Variants in TRAPPC3L observed in about 807,000 individuals in gnomAD.
TRAPPC3L encodes the protein trafficking protein particle complex subunit 3-like protein.
TRAPPC3L carries 23 observed loss-of-function variants against 23.7 expected under a neutral mutation model. The observed-to-expected ratio is 0.97, with a 90% CI of 0.70 to 1.37. TRAPPC3L has a LOEUF of 1.37. TRAPPC3L is among the 40% of genes most tolerant of loss of function. The probability of loss-of-function intolerance (pLI) is 0.00; values close to 1 mark genes in which losing one functional copy is unlikely to be tolerated. For synonymous variants in TRAPPC3L, 81 were observed against 77.9 expected (o/e 1.04, Z -0.21); for missense variants, 212 against 216.8 (o/e 0.98, Z 0.14).
intron 3 of TRAPPC3L, among the ~76,000 whole-genome samples, chr6:116,504,863 T>A (rs987428688): frequency 2.0e-5 from 3 of 152,214 alleles, no homozygotes; most frequent in Non-Finnish European, 4.4e-5. Context: ...TGATGGAATG[T>A]ATCTCAAAAT....
chr6:116,515,641 T>G (rs1191857770), intron 3 of TRAPPC3L: 2 of 1,613,724 alleles, frequency 1.2e-6, no homozygotes, highest in Non-Finnish European at 1.7e-6. Flanking sequence ...CTTTCTTCTC[T>G]CTGCTCACCA....
intron 3 of TRAPPC3L, among the ~76,000 whole-genome samples, chr6:116,502,455 G>A (rs1771932685): frequency 6.6e-6 from 1 of 152,192 alleles, no homozygotes; most frequent in African/African-American, 2.4e-5. Context: ...CACTCTTCAG[G>A]ATATTATCCA....
chr6:116,543,928 A>T (rs1017806033), intron 1 of TRAPPC3L: 1 of 1,327,770 alleles, frequency 7.5e-7, no homozygotes, highest in African/African-American at 1.5e-5. Flanking sequence ...ATTTCCTTAT[A>T]GTTCTCCAAA....
chr6:116,529,255 G>C (rs1005587799), intron 3 of TRAPPC3L: 1 of 152,182 alleles, frequency 6.6e-6, no homozygotes, highest in Non-Finnish European at 1.5e-5. Context: ...CCAATACCTG[G>C]GTTTCCTACT....
Position 116,545,091 on chromosome 6 carries a change from C to CTA in TRAPPC3L, c.42+380_42+381dup, listed in dbSNP as rs1320498201. On this transcript the variant is annotated intron_variant, in intron 1 of 4. Coordinates refer to ENST00000368602, the MANE Select transcript of TRAPPC3L (RefSeq NM_001139444.3). ...TCGATTCAGTTTTACACATAATCAA[C>CTA]TATATATATACACACATATATATAT... Among the ~76,000 whole-genome samples the CTA allele has an allele frequency of 4.0e-5, 6 of 150,788 alleles. No individual in the cohort carries two copies. The South Asian group carries it at 6.3e-4, about 16-fold the overall frequency.
chr6:116,512,922 A>G (rs1167333352), intron 3 of TRAPPC3L, among the ~76,000 whole-genome samples: 2 of 152,316 alleles, frequency 1.3e-5, no homozygotes, highest in African/African-American at 4.8e-5. Flanking sequence ...CAGAAGCTCA[A>G]GATTTGGGCA....
At chr6:116,518,687 T>C (rs1772273156) in intron 3 of TRAPPC3L, 1 of 152,226 alleles carries the variant, frequency 6.6e-6, no homozygotes, top group African/African-American at 2.4e-5. Context: ...ACAGAAGTTC[T>C]ACAGAAGTAG....
chr6:116,543,072 A>G (rs1773561318), intron 2 of TRAPPC3L, among the ~76,000 whole-genome samples: 1 of 152,186 alleles, frequency 6.6e-6, no homozygotes, highest in Admixed American at 6.6e-5. Flanking sequence ...ATTTCTAACT[A>G]AAGAGAAAAC....
At chr6:116,512,273 G>C (rs772560468) in intron 3 of TRAPPC3L, 2 of 1,558,186 alleles carry the variant, frequency 1.3e-6, no homozygotes, top group South Asian at 2.4e-5. Flanking sequence ...CTCTCAGCAT[G>C]AGCTCGAAGT....
chr6:116,520,554 A>C (rs1407074), intron 3 of TRAPPC3L: 62,923 of 152,056 alleles, frequency 0.41, 14,606 homozygotes, highest in Middle Eastern at 0.6. Context: ...GTTGGCTGCA[A>C]ATTGGAATCA....
intron 4 of TRAPPC3L, among the ~76,000 whole-genome samples, chr6:116,498,930 G>A (rs1771871860): frequency 6.6e-6 from 1 of 152,048 alleles, no homozygotes; most frequent in Non-Finnish European, 1.5e-5. Flanking sequence ...TTGCTCTACA[G>A]ACTCTGCCTA....
chr6:116,515,725 G>A (rs1459822914), intron 3 of TRAPPC3L: 9 of 1,613,896 alleles, frequency 5.6e-6, no homozygotes, highest in South Asian at 1.1e-5. Flanking sequence ...CACAAAAGGA[G>A]AAGGAGCAGT....
chr6:116,545,173 A>G (rs1284940915), intron 1 of TRAPPC3L, among the ~76,000 whole-genome samples: 1 of 151,632 alleles, frequency 6.6e-6, no homozygotes, highest in Non-Finnish European at 1.5e-5. Context: ...TTCCTGAAGT[A>G]TGAAATAGAA....
chr6:116,500,552 G>C lies in TRAPPC3L; in HGVS notation c.355C>G (p.Leu119Val). The C allele has an allele frequency of 6.4e-7, 1 of 1,551,670 alleles. No homozygotes were observed. The highest frequency in any genetic ancestry group is 8.7e-7 in the Non-Finnish European group (1 of 1,146,978). The change falls in exon 4 of 5, where the codon CTC becomes GTC. Residue 119 changes from leucine to valine, a missense_variant. By Grantham distance (32) the Leu-to-Val change is conservative (BLOSUM62 1). Transcript: ENST00000368602. ...CACAGAGAAGATCGCCCAGCAGGGA[G>C]CTCTTCCACAAACTCCACCAGGGGA... ...KNPLVEFVEELPAGRSSLCYC... is the reference protein window; with the variant it reads ...KNPLVEFVEEVPAGRSSLCYC...
intron 3 of TRAPPC3L, among the ~76,000 whole-genome samples, chr6:116,525,459 T>C (rs948644389): frequency 1.3e-5 from 2 of 152,186 alleles, no homozygotes; most frequent in African/African-American, 2.4e-5. Flanking sequence ...TGACAATTGA[T>C]ATAGAAGGAA....
chr6:116,531,632 G>T (rs1272609192), intron 3 of TRAPPC3L, among the ~76,000 whole-genome samples: 2 of 152,060 alleles, frequency 1.3e-5, no homozygotes, highest in East Asian at 3.9e-4. Context: ...TAACCTAAAG[G>T]AGTCTACCTA....
chr6:116,516,751 G>A (rs1319821191), intron 3 of TRAPPC3L: 1 of 135,398 alleles, frequency 7.4e-6, no homozygotes, highest in Non-Finnish European at 1.6e-5. Flanking sequence ...ATTGATAAAA[G>A]GTGAATATAT....
chr6:116,512,141 T>C, intron 3 of TRAPPC3L: 2 of 1,613,554 alleles, frequency 1.2e-6, no homozygotes, highest in Non-Finnish European at 1.7e-6. Context: ...GCCCAAAGAG[T>C]GCTGGGAAGA....
rs1751740751 is a variant in TRAPPC3L, at chr6:116,505,914, C to T, written c.241-5248G>A. On this transcript the variant is annotated intron_variant, in intron 3 of 4. Coordinates refer to ENST00000368602, the MANE Select transcript of TRAPPC3L (RefSeq NM_001139444.3). ...ATGTAAAACCTAAAACCATGAAAAT[C>T]CTAGAAGAAAACCTAGGCAATACCA... is the stretch of plus-strand genomic sequence containing the variant. 2.0e-5 allele frequency among the ~76,000 whole-genome samples: 3 copies of T among 152,260 alleles called. No homozygotes were observed. In the South Asian group the frequency reaches 6.2e-4, roughly 32 times the overall value.
Sources: allele counts gnomAD v4.1 joint callset (sites outside exome capture counted in the v4.1 genomes callset), GRCh38; gene constraint gnomAD v4.1.1; transcripts MANE v1.5; gene names NCBI Gene and HGNC (gene_info 2026-07-23, HGNC 2026-07-21).